Variants in CNTNAP2 observed in about 807,000 individuals in gnomAD.
The protein encoded by CNTNAP2 is contactin associated protein 2.
CNTNAP2 carries 98 observed loss-of-function variants against 155.2 expected under a neutral mutation model. The ratio of observed to expected loss-of-function variants is 0.63; its 90% CI spans 0.54 to 0.75. The LOEUF (loss-of-function observed/expected upper bound fraction) is 0.75, where lower values mean the gene tolerates loss of function less well. Ranked by LOEUF, CNTNAP2 falls within the 30% of genes least tolerant of loss-of-function variation. The pLI is 0.00. For synonymous variants in CNTNAP2, 651 were observed against 631.2 expected, an observed-to-expected ratio of 1.03 and a Z score of -0.47; for missense variants, 1,727 against 1,688.1, an observed-to-expected ratio of 1.02 and a Z score of -0.40.
At chr7:146,588,074 C>G (rs150201491) in intron 1 of CNTNAP2, among the ~76,000 whole-genome samples, 1 of 151,326 alleles carries the variant, frequency 6.6e-6, no homozygotes, top group African/African-American at 2.4e-5. Flanking sequence ...TTACATTAAG[C>G]CTGCTATGGA....
chr7:147,968,795 T>C (rs936282234), intron 14 of CNTNAP2, among the ~76,000 whole-genome samples: 1 of 152,184 alleles, frequency 6.6e-6, no homozygotes, highest in Non-Finnish European at 1.5e-5. Flanking sequence ...ATTTGATTTC[T>C]AGAATTTTGT....
chr7:147,493,823 A>G (rs1798649474), intron 11 of CNTNAP2, among the ~76,000 whole-genome samples: 1 of 152,178 alleles, frequency 6.6e-6, no homozygotes, highest in African/African-American at 2.4e-5. Flanking sequence ...CAATTATTTT[A>G]ACTTTTCAGA....
chr7:146,506,191 G>C lies in CNTNAP2; in HGVS notation c.98-268080G>C, dbSNP rs561847855. On this transcript the variant is annotated intron_variant, in intron 1 of 23. Transcript: ENST00000361727. Reference sequence around the variant, plus strand: ...GCAAGGGTAGGCAAACAGCAGACTGGTGGCCGTGTCTACAGCTGTCAGCAC... The same window carrying C: ...GCAAGGGTAGGCAAACAGCAGACTGCTGGCCGTGTCTACAGCTGTCAGCAC... Among the ~76,000 whole-genome samples, 7 of 152,294 alleles carry C rather than the reference G, an allele frequency of 4.6e-5. No homozygotes were observed. The South Asian group carries it at 1.5e-3, about 32-fold the overall frequency.
intron 1 of CNTNAP2, among the ~76,000 whole-genome samples, chr7:146,207,115 A>C (rs1798959119): frequency 6.6e-6 from 1 of 151,924 alleles, no homozygotes; most frequent in South Asian, 2.1e-4. Context: ...ATCTAAAAAA[A>C]ATCAGACCTT....
intron 8 of CNTNAP2, among the ~76,000 whole-genome samples, chr7:147,192,577 G>A (rs1802702414): frequency 6.6e-6 from 1 of 152,046 alleles, no homozygotes; most frequent in South Asian, 2.1e-4. Flanking sequence ...TCAGAAACAG[G>A]CTAACATTTG....
At chr7:146,443,952 C>A (rs1482253694) in intron 1 of CNTNAP2, among the ~76,000 whole-genome samples, 1 of 152,184 alleles carries the variant, frequency 6.6e-6, no homozygotes, top group Non-Finnish European at 1.5e-5. Flanking sequence ...AGCTGAATTT[C>A]AGTTTGTGAA....
chr7:148,216,485 TA>T (rs1288762907), intron 18 of CNTNAP2, among the ~76,000 whole-genome samples: 3 of 152,170 alleles, frequency 2.0e-5, no homozygotes, highest in Admixed American at 1.3e-4. Context: ...GTAGGGCTTA[TA>T]AAGGCTTTCC....
chr7:147,519,129 G>T (rs1156312382), intron 11 of CNTNAP2, among the ~76,000 whole-genome samples: 1 of 151,808 alleles, frequency 6.6e-6, no homozygotes, highest in Admixed American at 6.6e-5. Flanking sequence ...TTATCTTACA[G>T]TTTGGGAGGT....
At chr7:147,326,346 T>C (rs1398699794) in intron 9 of CNTNAP2, among the ~76,000 whole-genome samples, 1 of 152,252 alleles carries the variant, frequency 6.6e-6, no homozygotes, top group East Asian at 1.9e-4. Context: ...TTAGGATCCA[T>C]ATATGTTGCA....
Position 148,217,519 on chromosome 7 carries a change from C to A in CNTNAP2, c.3242C>A (p.Pro1081His), listed in dbSNP as rs751685216. 1 of 1,614,120 alleles carries A rather than the reference C, an allele frequency of 6.2e-7. No individual in the cohort carries two copies. Residue 1081 changes from proline (P) to histidine (H), a missense_variant, in exon 19 of 24, where the codon CCC (proline) becomes CAC (histidine). Transcript: ENST00000361727. ...TTDFLAVLVK[P>H]TGSLQIRYNL... ...GACTTCTTGGCAGTCCTCGTCAAAC[C>A]CACTGGTAAGGACAAGGATACCCAG...
At chr7:146,971,535 A>G (rs1288940401) in intron 3 of CNTNAP2, among the ~76,000 whole-genome samples, 1 of 152,216 alleles carries the variant, frequency 6.6e-6, no homozygotes, top group African/African-American at 2.4e-5. Context: ...AATAACAAAA[A>G]TGAATGTCTC....
intron 1 of CNTNAP2, among the ~76,000 whole-genome samples, chr7:146,773,149 C>T (rs944974439): frequency 6.6e-6 from 1 of 151,634 alleles, no homozygotes; most frequent in African/African-American, 2.4e-5. Context: ...AGCACTTAGG[C>T]GTTGGCAAAA....
intron 15 of CNTNAP2, among the ~76,000 whole-genome samples, chr7:148,069,059 C>T: frequency 6.6e-6 from 1 of 152,160 alleles, no homozygotes; most frequent in Non-Finnish European, 1.5e-5. Flanking sequence ...TAGGCTGAAG[C>T]AATTGTGGGG....
Position 146,721,017 on chromosome 7 carries a change from A to C in CNTNAP2, c.98-53254A>C, listed in dbSNP as rs1376680328. Among the ~76,000 whole-genome samples, 24 of 107,672 alleles carry C rather than the reference A, an allele frequency of 2.2e-4. 1 individual carries two copies. Among genetic ancestry groups the C allele is most frequent in the African/African-American group, 1.7e-3 (22 of 13,220 alleles). 70.6% of individuals were successfully genotyped at this position (107,672 alleles called of 152,430 possible). ...TATATATAGTCTATATATATACTCT[A>C]TATATTATATATACTCTATATATTC... On this transcript the variant is annotated intron_variant, in intron 1 of 23. Coordinates refer to ENST00000361727, the MANE Select transcript of CNTNAP2 (RefSeq NM_014141.6).
chr7:146,182,386 A>C (rs982122912), intron 1 of CNTNAP2, among the ~76,000 whole-genome samples: 3 of 152,162 alleles, frequency 2.0e-5, no homozygotes, highest in African/African-American at 7.2e-5. Context: ...AGACATGTAC[A>C]TATTATCTGT....
intron 15 of CNTNAP2, among the ~76,000 whole-genome samples, chr7:148,022,544 G>C (rs1391479216): frequency 2.6e-5 from 4 of 152,018 alleles, no homozygotes; most frequent in Non-Finnish European, 5.9e-5. Context: ...TCTGGAATAA[G>C]TAATAGTCTT....
intron 1 of CNTNAP2, among the ~76,000 whole-genome samples, chr7:146,387,615 T>C (rs1795479047): frequency 6.6e-6 from 1 of 152,194 alleles, no homozygotes; most frequent in African/African-American, 2.4e-5. Flanking sequence ...TGTTCAAAAA[T>C]AGACTGGTTG....
intron 1 of CNTNAP2, among the ~76,000 whole-genome samples, chr7:146,454,153 A>G (rs1258977666): frequency 6.6e-6 from 1 of 152,222 alleles, no homozygotes; most frequent in Non-Finnish European, 1.5e-5. Flanking sequence ...AATGTAGTTC[A>G]ACATAGTGAC....
At chr7:147,842,283 A>G (rs565730356) in intron 13 of CNTNAP2, among the ~76,000 whole-genome samples, 31 of 152,258 alleles carry the variant, frequency 2.0e-4, no homozygotes, top group Non-Finnish European at 4.6e-4. Context: ...TGAGAGACAC[A>G]TATAAGCAAT....
Sources: gnomAD v4.1 joint callset for allele counts (sites outside exome capture counted in the v4.1 genomes callset) on GRCh38, gnomAD v4.1.1 for gene constraint, MANE v1.5 for transcripts, NCBI Gene and HGNC (gene_info 2026-07-23, HGNC 2026-07-21) for gene names.